Variants in FMN1 observed in about 807,000 individuals in gnomAD.
FMN1 encodes the protein formin-1.
FMN1 carries 110 observed loss-of-function variants against 132.4 expected under a neutral mutation model. That is an observed-to-expected ratio of 0.83 (90% CI 0.71 to 0.97). The LOEUF (loss-of-function observed/expected upper bound fraction) is 0.97. Among genes scored for constraint, FMN1 ranks in the 50% least tolerant of loss-of-function variants. The probability of loss-of-function intolerance (pLI) is 0.00; values close to 1 mark genes in which losing one functional copy is unlikely to be tolerated. For synonymous variants in FMN1, 722 were observed against 651.7 expected (o/e 1.11, Z -1.64); for missense variants, 1,792 against 1,705.3 (o/e 1.05, Z -0.90).
At chr15:33,046,962 A>G (rs2036716177) in intron 6 of FMN1, among the ~76,000 whole-genome samples, 1 of 152,250 alleles carries the variant, frequency 6.6e-6, no homozygotes, top group African/African-American at 2.4e-5. Flanking sequence ...TGTTCAAGCC[A>G]GTCTGGCAAA....
chr15:33,158,521 G>A (rs1407896319), intron 3 of FMN1, among the ~76,000 whole-genome samples: 3 of 152,106 alleles, frequency 2.0e-5, no homozygotes, highest in Non-Finnish European at 4.4e-5. Flanking sequence ...CACACTTGTG[G>A]TGCACATGTC....
intron 17 of FMN1, among the ~76,000 whole-genome samples, chr15:32,825,563 C>A (rs567028377): frequency 2.2e-4 from 33 of 152,326 alleles, no homozygotes; most frequent in African/African-American, 5.8e-4. Context: ...TTCAGCCAAA[C>A]CTAAACTTTC....
intron 15 of FMN1, 67 bp downstream of exon 15, chr15:32,898,767 T>G: frequency 9.9e-7 from 1 of 1,012,044 alleles, no homozygotes; most frequent in South Asian, 1.4e-5. Flanking sequence ...CATCTATCCA[T>G]CATCCAACTT....
At chr15:32,835,220 G>A (rs1310341433) in intron 17 of FMN1, among the ~76,000 whole-genome samples, 1 of 152,106 alleles carries the variant, frequency 6.6e-6, no homozygotes, top group Non-Finnish European at 1.5e-5. Flanking sequence ...CGTAATCACA[G>A]ATACTCATGA....
chr15:32,991,908 A>G (rs528568174), intron 7 of FMN1, among the ~76,000 whole-genome samples: 2 of 152,280 alleles, frequency 1.3e-5, no homozygotes, highest in East Asian at 1.9e-4. Context: ...TGGACACCTA[A>G]AGGCTCTTTT....
At chr15:33,051,149 T>C (rs1008077059) in intron 6 of FMN1, among the ~76,000 whole-genome samples, 1 of 152,180 alleles carries the variant, frequency 6.6e-6, no homozygotes, top group Admixed American at 6.5e-5. Flanking sequence ...TTTTCCTCTA[T>C]ATATATACCA....
At chr15:33,099,761 C>T (rs543826575) in intron 4 of FMN1, among the ~76,000 whole-genome samples, 27 of 152,250 alleles carry the variant, frequency 1.8e-4, no homozygotes, top group Middle Eastern at 3.4e-3. Flanking sequence ...CAGTCATTCT[C>T]TAAAAGTCAT....
chr15:32,841,935 A>G (rs539101513), intron 17 of FMN1, among the ~76,000 whole-genome samples: 2 of 152,364 alleles, frequency 1.3e-5, no homozygotes, highest in African/African-American at 4.8e-5. Flanking sequence ...AAGAGTCCAG[A>G]TATCGAGAGA....
At chr15:33,057,996 G>A (rs1247546681) in intron 6 of FMN1, among the ~76,000 whole-genome samples, 1 of 149,954 alleles carries the variant, frequency 6.7e-6, no homozygotes, top group East Asian at 1.9e-4. Flanking sequence ...TGGGGCTGGT[G>A]GTGGAAAGGC....
intron 16 of FMN1, among the ~76,000 whole-genome samples, chr15:32,871,543 T>C (rs947543936): frequency 3.3e-5 from 5 of 152,128 alleles, no homozygotes; most frequent in Admixed American, 3.3e-4. Context: ...CTTATTCTCA[T>C]GGGGAGTCAG....
chr15:33,091,148 A>G (rs2038887939), intron 4 of FMN1, among the ~76,000 whole-genome samples: 2 of 152,202 alleles, frequency 1.3e-5, no homozygotes, highest in Non-Finnish European at 2.9e-5. Flanking sequence ...ACAAAACACA[A>G]TGTACAACAC....
intron 13 of FMN1, among the ~76,000 whole-genome samples, chr15:32,901,339 T>C (rs987333568): frequency 1.3e-5 from 2 of 152,208 alleles, no homozygotes; most frequent in African/African-American, 2.4e-5. Flanking sequence ...AACAAAGTAC[T>C]ACAGTATTTG....
chr15:32,968,216 G>A (rs983581203), intron 8 of FMN1, among the ~76,000 whole-genome samples: 3 of 152,120 alleles, frequency 2.0e-5, no homozygotes, highest in Admixed American at 2.0e-4. Context: ...CTGATCTAAA[G>A]AACTAATAAC....
At chr15:32,950,604 T>C (rs2061629913) in intron 9 of FMN1, among the ~76,000 whole-genome samples, 1 of 152,154 alleles carries the variant, frequency 6.6e-6, no homozygotes, top group Admixed American at 6.6e-5. Flanking sequence ...AACCACATAC[T>C]ACATTTTTTC....
chr15:33,184,180 G>A (rs538865257), intron 2 of FMN1, among the ~76,000 whole-genome samples: 1 of 152,264 alleles, frequency 6.6e-6, no homozygotes, highest in South Asian at 2.1e-4. Context: ...GATTCATAGA[G>A]AGACAGACAG....
intron 4 of FMN1, among the ~76,000 whole-genome samples, chr15:33,099,115 C>A (rs556191701): frequency 6.6e-6 from 1 of 151,768 alleles, no homozygotes; most frequent in Admixed American, 6.6e-5. Flanking sequence ...ACTCCATCTA[C>A]AAAAAAAAGA....
chr15:32,832,033 C>G (rs1237271840), intron 17 of FMN1, among the ~76,000 whole-genome samples: 6 of 152,176 alleles, frequency 3.9e-5, no homozygotes, highest in African/African-American at 1.4e-4. Context: ...AGCACCAGAC[C>G]AACAATATAG....
chr15:32,981,534 AATAATAATAATT>A (rs1322332987), intron 7 of FMN1, among the ~76,000 whole-genome samples: 125 of 131,312 alleles, frequency 9.5e-4, no homozygotes, highest in Non-Finnish European at 1.6e-3. Flanking sequence ...TAATAATAAT[AATAATAATAATT>A]ATTATTATTA....
At chr15:33,005,787 T>G (rs1368332959) in intron 7 of FMN1, among the ~76,000 whole-genome samples, 1 of 152,182 alleles carries the variant, frequency 6.6e-6, no homozygotes, top group Non-Finnish European at 1.5e-5. Context: ...GTGTCTTAAA[T>G]TATCCCCTAC....
Sources: gnomAD v4.1 joint callset for allele counts (sites outside exome capture counted in the v4.1 genomes callset) on GRCh38, gnomAD v4.1.1 for gene constraint, MANE v1.5 for transcripts, NCBI Gene and HGNC (gene_info 2026-07-23, HGNC 2026-07-21) for gene names.